METTL15: variants seen among roughly 807,000 people sequenced by gnomAD.
METTL15 encodes the protein methyltransferase 15, mitochondrial 12S rRNA N4-cytidine.
A neutral mutation model predicts 38.3 loss-of-function variants in METTL15; 34 were observed. The observed-to-expected ratio is 0.89, with a 90% CI of 0.68 to 1.18. The LOEUF is 1.18. Among genes scored for constraint, METTL15 ranks in the 50% most tolerant of loss-of-function variants. The pLI is 0.00. For missense variants in METTL15, 438 were observed against 498.4 expected, an observed-to-expected ratio of 0.88 and a Z score of 1.15; for synonymous variants, 162 against 170.9, an observed-to-expected ratio of 0.95 and a Z score of 0.41.
intron 4 of METTL15, among the ~76,000 whole-genome samples, chr11:28,288,242 G>C (rs1485881809): frequency 2.0e-5 from 3 of 152,130 alleles, no homozygotes; most frequent in African/African-American, 7.2e-5. Context: ...AACTGTTGTG[G>C]AAGACCGTGT....
At chr11:28,173,548 T>C (rs1181890263) in intron 3 of METTL15, among the ~76,000 whole-genome samples, 1 of 152,224 alleles carries the variant, frequency 6.6e-6, no homozygotes, top group Non-Finnish European at 1.5e-5. Context: ...AGACATGATA[T>C]AACCTATACT....
intron 6 of METTL15, among the ~76,000 whole-genome samples, chr11:28,307,915 G>C (rs1030985259): frequency 6.6e-6 from 1 of 151,876 alleles, no homozygotes; most frequent in Non-Finnish European, 1.5e-5. Context: ...TAATTTCTGG[G>C]ATTAATTTTC....
intron 5 of METTL15, among the ~76,000 whole-genome samples, chr11:28,387,468 C>A (rs569476135): frequency 3.0e-4 from 46 of 151,836 alleles, no homozygotes; most frequent in African/African-American, 1.1e-3. Context: ...TTTACAGAAC[C>A]ATGCAAACTA....
In METTL15 at chr11:28,242,037, A is replaced by AG. The variant is rs537679544; in HGVS notation, c.407+30842dup. 5.6e-4 allele frequency among the ~76,000 whole-genome samples: 85 copies of AG among 152,344 alleles called. 1 individual carries two copies. Among genetic ancestry groups the AG allele is most frequent in the African/African-American group, 2.0e-3 (85 of 41,588 alleles). The stretch of plus-strand genomic sequence containing the variant: ...TGTTGAGTACACTCTCAAGGAGCCT[A>AG]GGGCAAAAGCAGGGAAGCTAGAAAC... On this transcript the variant is annotated intron_variant, in intron 4 of 6. Coordinates refer to ENST00000407364, the MANE Select transcript of METTL15 (RefSeq NM_001113528.2).
intron 3 of METTL15, among the ~76,000 whole-genome samples, chr11:28,124,176 G>A (rs1852369334): frequency 1.3e-5 from 2 of 152,034 alleles, no homozygotes; most frequent in African/African-American, 2.4e-5. Context: ...TAATAATCAG[G>A]TTATACAGTA....
chr11:28,161,536 A>G (rs1468769243), intron 3 of METTL15, among the ~76,000 whole-genome samples: 1 of 152,182 alleles, frequency 6.6e-6, no homozygotes, highest in Non-Finnish European at 1.5e-5. Flanking sequence ...TTAGTTTTTG[A>G]TTTAAGCAAA....
chr11:28,220,099 C>A (rs1417551777), intron 4 of METTL15, among the ~76,000 whole-genome samples: 2 of 152,136 alleles, frequency 1.3e-5, no homozygotes, highest in Non-Finnish European at 2.9e-5. Flanking sequence ...GAGCTGAGTT[C>A]AATTCCTGTA....
intron 6 of METTL15, among the ~76,000 whole-genome samples, chr11:28,316,813 CT>C (rs1565249569): frequency 6.6e-6 from 1 of 152,064 alleles, no homozygotes; most frequent in Non-Finnish European, 1.5e-5. Flanking sequence ...CCTGCACGAG[CT>C]CTCATTTTGC....
intron 4 of METTL15, among the ~76,000 whole-genome samples, chr11:28,254,143 T>C (rs1422146217): frequency 6.6e-6 from 1 of 152,184 alleles, no homozygotes; most frequent in Non-Finnish European, 1.5e-5. Flanking sequence ...CCAGCATTTG[T>C]TATTACCTGT....
At chr11:28,212,398 G>A (rs899049121) in intron 4 of METTL15, among the ~76,000 whole-genome samples, 85 of 152,162 alleles carry the variant, frequency 5.6e-4, no homozygotes, top group African/African-American at 1.9e-3. Context: ...CCTTCTTTAA[G>A]AAGATGTTTT....
chr11:28,274,808 G>A (rs1196889946), intron 4 of METTL15, among the ~76,000 whole-genome samples: 1 of 151,892 alleles, frequency 6.6e-6, no homozygotes, highest in Non-Finnish European at 1.5e-5. Flanking sequence ...GGATAAGAGG[G>A]ATAGCATTAG....
intron 3 of METTL15, among the ~76,000 whole-genome samples, chr11:28,174,796 CAG>C (rs1299817457): frequency 8.1e-6 from 1 of 124,080 alleles, no homozygotes; most frequent in Non-Finnish European, 1.6e-5. Flanking sequence ...GCCTGGGTGA[CAG>C]AGCGAGATTC....
At chr11:28,425,858 T>A (rs1850859107) in intron 6 of METTL15, among the ~76,000 whole-genome samples, 1 of 152,206 alleles carries the variant, frequency 6.6e-6, no homozygotes, top group Non-Finnish European at 1.5e-5. Flanking sequence ...GCAATATAGC[T>A]TTAAGATTGG....
At chr11:28,125,730 A>C (rs966332311) in intron 3 of METTL15, 1 of 152,108 alleles carries the variant, frequency 6.6e-6, no homozygotes, top group Non-Finnish European at 1.5e-5. Flanking sequence ...TGCGTATTCC[A>C]GGTACAACTT....
intron 6 of METTL15, among the ~76,000 whole-genome samples, chr11:28,513,076 A>G (rs993624736): frequency 5.3e-5 from 6 of 113,762 alleles, no homozygotes; most frequent in Non-Finnish European, 1.1e-4. Context: ...TCAAGGGTCA[A>G]CTGTACTTAG....
chr11:28,414,860 A>G (rs1277456240), intron 5 of METTL15, among the ~76,000 whole-genome samples: 1 of 152,234 alleles, frequency 6.6e-6, no homozygotes, highest in Non-Finnish European at 1.5e-5. Context: ...TCCTGCTAGC[A>G]TAGACTGCTA....
At chr11:28,173,782 C>A (rs980990390) in intron 3 of METTL15, among the ~76,000 whole-genome samples, 5 of 152,132 alleles carry the variant, frequency 3.3e-5, no homozygotes, top group African/African-American at 1.2e-4. Flanking sequence ...GTTTCTCAGA[C>A]TTTGTTTTTG....
At chr11:28,516,509 A>G (rs1180624919) in intron 6 of METTL15, among the ~76,000 whole-genome samples, 1 of 152,200 alleles carries the variant, frequency 6.6e-6, no homozygotes, top group Non-Finnish European at 1.5e-5. Context: ...AATTTAAATT[A>G]AGTTCTTTTT....
At chr11:28,526,964 G>A (rs940517677) in exon 8 of METTL15, 3 of 151,950 alleles carry the variant, frequency 2.0e-5, no homozygotes, top group Non-Finnish European at 4.4e-5. Context: ...TTTGTTTAAC[G>A]GATCTACCTA....
Sources: gnomAD v4.1 joint callset for allele counts (sites outside exome capture counted in the v4.1 genomes callset) on GRCh38, gnomAD v4.1.1 for gene constraint, MANE v1.5 for transcripts, NCBI Gene and HGNC (gene_info 2026-07-23, HGNC 2026-07-21) for gene names.